Variants in ZNF446 observed in about 807,000 individuals in gnomAD.
ZNF446 encodes the protein zinc finger protein 446.
In ZNF446, 42 loss-of-function variants were observed where a neutral mutation model predicts 34.0. The ratio of observed to expected loss-of-function variants is 1.23; its 90% CI spans 0.96 to 1.60. The LOEUF is 1.60. ZNF446 is among the 40% of genes most tolerant of loss of function. ZNF446 has a pLI of 0.00. For missense variants in ZNF446, 650 were observed against 600.2 expected (o/e 1.08, Z -0.87); for synonymous variants, 315 against 251.0 (o/e 1.25, Z -2.41).
Position 58,477,649 on chromosome 19 carries a change from G to T in ZNF446, c.355G>T (p.Val119Phe), listed in dbSNP as rs757146500. The T allele has an allele frequency of 1.9e-6, 3 of 1,613,728 alleles. No individual in the cohort carries two copies. The East Asian group carries it at 6.7e-5, about 36-fold the overall frequency. ...CTCTTCTCCTCAGATCACAGCCCAT[G>T]TCCTGAAGCAGGAGGTGCTCCCTGC... ...GQLLGWITAH[V>F]LKQEVLPAAQ... The change falls in exon 3 of 7, where the codon GTC (valine) becomes TTC (phenylalanine). Residue 119 changes from valine to phenylalanine, a missense_variant. Transcript: ENST00000594369.
In ZNF446 at chr19:58,480,585, C is replaced by T; in HGVS notation, c.1212C>T (p.Phe404=). 6.2e-7 allele frequency: 1 copy of T among 1,612,946 alleles called. No individual in the cohort carries two copies. The highest frequency in any genetic ancestry group is 8.5e-7 in the Non-Finnish European group (1 of 1,179,984). Reference sequence around the variant, plus strand: ...CGTGTGAGGAGTGCGGGTGCAGCTTCAGCTGGAAGTCGCAGCTGGTCATCC... The same window carrying T: ...CGTGTGAGGAGTGCGGGTGCAGCTTTAGCTGGAAGTCGCAGCTGGTCATCC... ...SYPCEECGCS[F]SWKSQLVIHR... The change falls in exon 7 of 7, where the codon TTC becomes TTT. Residue 404 remains phenylalanine (F), a synonymous_variant. Coordinates refer to ENST00000594369, the MANE Select transcript of ZNF446 (RefSeq NM_017908.4). The surrounding 1 kb of genome is among the most constrained non-coding windows in gnomAD (Gnocchi z 7.2).
rs755136447 is a variant in ZNF446, at chr19:58,480,459, C to T, written c.1086C>T (p.Ser362=). ...RTHTSGPGVQ[S]PGLATGESTE... is the part of the protein sequence containing the mutation. ...ACACGAGTGGGCCAGGTGTGCAGTC[C>T]CCGGGGCTAGCCACCGGGGAAAGCA... The change falls in exon 7 of 7, where the codon TCC becomes TCT. Residue 362 remains serine, a synonymous_variant. Transcript: ENST00000594369. The surrounding 1 kb of genome is among the most constrained non-coding windows in gnomAD (Gnocchi z 7.2). 8 of 1,612,768 alleles carry T rather than the reference C, an allele frequency of 5.0e-6. No homozygotes were observed. Among genetic ancestry groups the T allele is most frequent in the Non-Finnish European group, 6.8e-6 (8 of 1,179,960 alleles).
chr19:58,485,104 A>C (rs1454392202), downstream of ZNF446, among the ~76,000 whole-genome samples: 1 of 151,912 alleles, frequency 6.6e-6, no homozygotes, highest in Non-Finnish European at 1.5e-5. Flanking sequence ...TCTAAAATGC[A>C]TGTGGAAAAG....
At chr19:58,476,946 C>G (rs1170792617) in intron 1 of ZNF446, among the ~76,000 whole-genome samples, 1 of 152,182 alleles carries the variant, frequency 6.6e-6, no homozygotes, top group Non-Finnish European at 1.5e-5. Context: ...TTCCAGGAAG[C>G]TCCCTGGACA....
chr19:58,485,712 C>T (rs73066211), downstream of ZNF446, among the ~76,000 whole-genome samples: 22,962 of 151,970 alleles, frequency 0.15, 1,915 homozygotes, highest in Non-Finnish European at 0.18. Flanking sequence ...AAATTAAATT[C>T]CAGATTAAAT....
the ZNF446 span, among the ~76,000 whole-genome samples, chr19:58,487,752 T>C: frequency 6.6e-6 from 1 of 152,112 alleles, no homozygotes; most frequent in East Asian, 1.9e-4. Context: ...GAGGTTGCAG[T>C]GAGCCGAGAT....
rs140478666 is a variant in ZNF446 at position 58,477,114 on chromosome 19, C to T, written c.-40-65C>T. ...CCTGGTCTCAGCCCCCTGGGCTGAG[C>T]CTGGTGTCTGCCTTCCCCTGGCCAG... is the stretch of plus-strand genomic sequence containing the variant. On this transcript the variant is annotated intron_variant, in intron 1 of 6. Coordinates refer to ENST00000594369, the MANE Select transcript of ZNF446 (RefSeq NM_017908.4). 3.9e-4 allele frequency: 401 copies of T among 1,022,614 alleles called. 3 individuals are homozygous for T. In the East Asian group the frequency reaches 9.6e-3, roughly 24 times the overall value. 63.3% of individuals were successfully genotyped at this position (1,022,614 alleles called of 1,614,324 possible). A position where few individuals can be genotyped will look rare whatever the true frequency, so the allele number is the denominator to read the frequency against.
At chr19:58,479,496 A>G in intron 4 of ZNF446, 147 bp from the exon 5 acceptor site, 2 of 804,340 alleles carry the variant, frequency 2.5e-6, no homozygotes, top group South Asian at 3.5e-5. Flanking sequence ...GCACTTAACA[A>G]ACACACACCT....
Position 58,479,972 on chromosome 19 carries a change from T to G in ZNF446, c.755T>G (p.Leu252Arg). ...HQPEAQAQSE[L>R]GMLLTGTGVC... ...CCAGAGGCACAGGCCCAGTCAGAGCTGGGGATGCTGCTCACGGGGACAGGC... is the reference window on the plus strand; with the variant it reads ...CCAGAGGCACAGGCCCAGTCAGAGCGGGGGATGCTGCTCACGGGGACAGGC... Residue 252 changes from leucine to arginine, a missense_variant, in exon 6 of 7, where the codon CTG (leucine) becomes CGG (arginine). Transcript: ENST00000594369. 1 of 1,590,840 alleles carries G rather than the reference T, an allele frequency of 6.3e-7. No individual in the cohort carries two copies. Among genetic ancestry groups the G allele is most frequent in the Non-Finnish European group, 8.5e-7 (1 of 1,171,400 alleles).
At chr19:58,487,561 C>T in the ZNF446 span, among the ~76,000 whole-genome samples, 1 of 152,222 alleles carries the variant, frequency 6.6e-6, no homozygotes, top group African/African-American at 2.4e-5. Context: ...GTAATCCCAG[C>T]ACTTTGGGAG....
At chr19:58,477,606 A>G in intron 2 of ZNF446, 31 bp from the exon 3 acceptor site, 1 of 1,613,504 alleles carries the variant, frequency 6.2e-7, no homozygotes, top group African/African-American at 1.3e-5. Flanking sequence ...GACCCTGGCT[A>G]GAGCCATTGT....
downstream of ZNF446, among the ~76,000 whole-genome samples, chr19:58,484,287 A>C (rs1339247576): frequency 2.3e-4 from 35 of 150,016 alleles, no homozygotes; most frequent in South Asian, 6.4e-4. Flanking sequence ...AAAAAAAAAA[A>C]AAAAAAACAC....
chr19:58,486,255 G>T, the ZNF446 span, among the ~76,000 whole-genome samples: 17 of 151,834 alleles, frequency 1.1e-4, no homozygotes, highest in African/African-American at 4.1e-4. Context: ...ACCACGCCTG[G>T]CTACTTTTTG....
rs2053116918 is a variant in ZNF446 at position 58,479,383 on chromosome 19, G to T, written c.628-260G>T. ...TTCATTCCTCGATAAAGTCACTCAG[G>T]TCCCTGTGATGCTGCCAAACCTGCC... On this transcript the variant is annotated intron_variant, in intron 4 of 6. Transcript: ENST00000594369. 6.1e-6 allele frequency: 3 copies of T among 489,930 alleles called. No homozygotes were observed. The South Asian group carries it at 7.3e-5, about 12-fold the overall frequency. 30.3% of individuals were successfully genotyped at this position (489,930 alleles called of 1,614,324 possible).
At chr19:58,482,496 C>T (rs1192811109), downstream of ZNF446, among the ~76,000 whole-genome samples, 4 of 152,198 alleles carry the variant, frequency 2.6e-5, no homozygotes, top group East Asian at 7.7e-4. Flanking sequence ...AAATGGGTGC[C>T]CTCTCGGAAG....
downstream of ZNF446, among the ~76,000 whole-genome samples, chr19:58,485,916 T>C (rs1314772576): frequency 1.3e-5 from 2 of 151,532 alleles, no homozygotes; most frequent in Non-Finnish European, 2.9e-5. Flanking sequence ...ATGTAAAACT[T>C]TGTTTTGTTT....
At chr19:58,478,874 C>T (rs1045107011) in intron 4 of ZNF446, among the ~76,000 whole-genome samples, 5 of 152,026 alleles carry the variant, frequency 3.3e-5, no homozygotes, top group African/African-American at 4.8e-5. Context: ...GGACTCCCCC[C>T]ACACCTGAGA....
rs1281053760 is a variant in ZNF446, at chr19:58,476,498, C to T, written c.-47C>T. 6.6e-6 allele frequency: 1 copy of T among 152,270 alleles called. No individual in the cohort carries two copies. The highest frequency in any genetic ancestry group is 1.5e-5 in the Non-Finnish European group (1 of 68,062). 9.4% of individuals were successfully genotyped at this position (152,270 alleles called of 1,614,324 possible). ...GGTGTCAGGCCTGGTCTCTCAGGCC[C>T]GTCCAGGTGGGCGTCTTTCACTGCA... On this transcript the variant is annotated 5_prime_UTR_variant, in exon 1 of 7. Coordinates refer to ENST00000594369, the MANE Select transcript of ZNF446 (RefSeq NM_017908.4).
chr19:58,486,825 C>T, the ZNF446 span, among the ~76,000 whole-genome samples: 10 of 151,320 alleles, frequency 6.6e-5, no homozygotes, highest in Non-Finnish European at 7.4e-5. Context: ...TTTTTTGAGA[C>T]GGAGTCTCAC....
Sources: allele counts gnomAD v4.1 joint callset (sites outside exome capture counted in the v4.1 genomes callset), GRCh38; gene constraint gnomAD v4.1.1; non-coding constraint Gnocchi (gnomAD v3.1); transcripts MANE v1.5; gene names NCBI Gene and HGNC (gene_info 2026-07-23, HGNC 2026-07-21).